Variants in NKAIN3 observed in about 807,000 individuals in gnomAD.
NKAIN3 encodes sodium/potassium transporting ATPase interacting 3.
Under a neutral mutation model 30.2 loss-of-function variants are expected in NKAIN3, and 25 were observed. The observed-to-expected ratio is 0.83, with a 90% CI of 0.60 to 1.16. The LOEUF (loss-of-function observed/expected upper bound fraction) is 1.16, where lower values mean the gene tolerates loss of function less well. NKAIN3 is among the 50% of genes most tolerant of loss of function. The pLI is 0.00. For synonymous variants in NKAIN3, 91 were observed against 89.6 expected (o/e 1.02, Z -0.09); for missense variants, 225 against 254.1 (o/e 0.89, Z 0.78).
intron 1 of NKAIN3, among the ~76,000 whole-genome samples, chr8:62,546,927 A>C (rs1045219780): frequency 1.1e-4 from 16 of 152,202 alleles, no homozygotes; most frequent in Non-Finnish European, 2.1e-4. Context: ...TTATGTGAAC[A>C]ATGAATATTC....
intron 4 of NKAIN3, among the ~76,000 whole-genome samples, chr8:62,789,172 A>C (rs1051297457): frequency 6.6e-6 from 1 of 152,030 alleles, no homozygotes; most frequent in Non-Finnish European, 1.5e-5. Context: ...TGAGCATGGA[A>C]TGTTCTTCCA....
At chr8:62,832,303 A>ACT (rs1819222733) in intron 4 of NKAIN3, among the ~76,000 whole-genome samples, 1 of 136,470 alleles carries the variant, frequency 7.3e-6, no homozygotes, top group South Asian at 2.4e-4. Context: ...ACACACACAC[A>ACT]CTCTTAAGTA....
chr8:62,620,554 A>T (rs1301157496), intron 3 of NKAIN3, among the ~76,000 whole-genome samples: 1 of 151,960 alleles, frequency 6.6e-6, no homozygotes, highest in Admixed American at 6.6e-5. Flanking sequence ...TTAGACCCAG[A>T]CCTCCCCAAA....
chr8:62,328,681 T>G (rs1815230208), intron 1 of NKAIN3, among the ~76,000 whole-genome samples: 1 of 152,128 alleles, frequency 6.6e-6, no homozygotes, highest in African/African-American at 2.4e-5. Flanking sequence ...ATATTTTACC[T>G]CTCTACATTC....
intron 1 of NKAIN3, among the ~76,000 whole-genome samples, chr8:62,465,670 G>A (rs1806141166): frequency 6.6e-6 from 1 of 152,188 alleles, no homozygotes; most frequent in Non-Finnish European, 1.5e-5. Flanking sequence ...TGAAGGAGAA[G>A]CAGCAGTTCC....
intron 3 of NKAIN3, among the ~76,000 whole-genome samples, chr8:62,668,698 A>C (rs1813207377): frequency 6.6e-6 from 1 of 152,234 alleles, no homozygotes; most frequent in Non-Finnish European, 1.5e-5. Flanking sequence ...AACCTGTGAA[A>C]GGTGAAGGAA....
chr8:62,801,765 C>T (rs575518844), intron 4 of NKAIN3, among the ~76,000 whole-genome samples: 33 of 152,288 alleles, frequency 2.2e-4, no homozygotes, highest in East Asian at 1.7e-3. Context: ...CAAAGCTGGA[C>T]GGAGAATGAC....
In NKAIN3 at chr8:62,815,274, C is replaced by A. The variant is rs10957242; in HGVS notation, c.471+68145C>A. 1.6e-4 allele frequency among the ~76,000 whole-genome samples: 24 copies of A among 151,860 alleles called. 1 individual carries two copies. Among genetic ancestry groups the A allele is most frequent in the Admixed American group, 4.6e-4 (7 of 15,246 alleles). Reference sequence around the variant, plus strand: ...GTCCAGGACCAGATGGATTCACAGCCGAATTCTACCAGAGGTACAAGGAGG... The same window carrying A: ...GTCCAGGACCAGATGGATTCACAGCAGAATTCTACCAGAGGTACAAGGAGG... On this transcript the variant is annotated intron_variant, in intron 4 of 6. Coordinates refer to ENST00000623646, the MANE Select transcript of NKAIN3 (RefSeq NM_001304533.3).
intron 1 of NKAIN3, among the ~76,000 whole-genome samples, chr8:62,573,813 A>G (rs1050498790): frequency 9.9e-5 from 15 of 152,148 alleles, no homozygotes; most frequent in African/African-American, 3.4e-4. Flanking sequence ...AAGGCTTGCA[A>G]TGTGTGATAA....
intron 4 of NKAIN3, among the ~76,000 whole-genome samples, chr8:62,905,790 T>C (rs1821755752): frequency 6.6e-6 from 1 of 152,178 alleles, no homozygotes; most frequent in Non-Finnish European, 1.5e-5. Flanking sequence ...CTTTTGCTGG[T>C]TTCTAGTCTT....
At chr8:62,365,366 T>G (rs1040330581) in intron 1 of NKAIN3, among the ~76,000 whole-genome samples, 2 of 8,842 alleles carry the variant, frequency 2.3e-4, no homozygotes, top group Non-Finnish European at 9.5e-4. Context: ...CAATATGGTA[T>G]TGTTTGCATA....
At chr8:62,946,388 T>C (rs745737894) in intron 5 of NKAIN3, among the ~76,000 whole-genome samples, 37 of 152,302 alleles carry the variant, frequency 2.4e-4, no homozygotes, top group Middle Eastern at 6.8e-3. Context: ...AGGCCGTGCC[T>C]ACTGAATGCT....
chr8:62,495,179 G>A (rs1430853441), intron 1 of NKAIN3, among the ~76,000 whole-genome samples: 1 of 151,956 alleles, frequency 6.6e-6, no homozygotes, highest in Non-Finnish European at 1.5e-5. Flanking sequence ...CTATAACTAT[G>A]TCATGACCAA....
intron 1 of NKAIN3, among the ~76,000 whole-genome samples, chr8:62,286,917 A>G (rs1813396894): frequency 6.6e-6 from 1 of 151,770 alleles, no homozygotes; most frequent in African/African-American, 2.4e-5. Flanking sequence ...TAGAAAATTT[A>G]TTTTGGACTA....
At chr8:62,479,569 C>T (rs115416779) in intron 1 of NKAIN3, among the ~76,000 whole-genome samples, 154 of 152,272 alleles carry the variant, frequency 1.0e-3, no homozygotes, top group African/African-American at 3.6e-3. Context: ...AGGTTGTCCT[C>T]AGTCTTGAAA....
intron 4 of NKAIN3, among the ~76,000 whole-genome samples, chr8:62,838,628 C>T (rs1336955273): frequency 1.3e-5 from 2 of 152,004 alleles, no homozygotes; most frequent in African/African-American, 4.8e-5. Context: ...TGATGAGGGA[C>T]TTATTGACTC....
chr8:62,877,603 A>C (rs1362563335), intron 4 of NKAIN3, among the ~76,000 whole-genome samples: 1 of 152,192 alleles, frequency 6.6e-6, no homozygotes, highest in African/African-American at 2.4e-5. Flanking sequence ...CCTGGTTGAA[A>C]TTTGTAATGC....
intron 1 of NKAIN3, among the ~76,000 whole-genome samples, chr8:62,302,880 T>G (rs1338708474): frequency 6.6e-6 from 1 of 150,930 alleles, no homozygotes; most frequent in Non-Finnish European, 1.5e-5. Flanking sequence ...CTGGGATTTC[T>G]TTACAGTGGT....
intron 1 of NKAIN3, among the ~76,000 whole-genome samples, chr8:62,328,784 C>G (rs752319515): frequency 5.9e-5 from 9 of 151,838 alleles, no homozygotes; most frequent in Non-Finnish European, 1.0e-4. Flanking sequence ...TTGTTTAGTA[C>G]CTTATATGGG....
Sources: gnomAD v4.1 joint callset for allele counts (sites outside exome capture counted in the v4.1 genomes callset) on GRCh38, gnomAD v4.1.1 for gene constraint, MANE v1.5 for transcripts, NCBI Gene and HGNC (gene_info 2026-07-23, HGNC 2026-07-21) for gene names.